Variants in SEPSECS observed in about 807,000 individuals in gnomAD.
SEPSECS encodes O-phosphoseryl-tRNA(Sec) selenium transferase.
SEPSECS carries 42 observed loss-of-function variants against 52.1 expected under a neutral mutation model. The observed-to-expected ratio is 0.81, with a 90% CI of 0.63 to 1.04. The LOEUF is 1.04. Ranked by LOEUF, SEPSECS falls within the 50% of genes least tolerant of loss-of-function variation. The pLI is 0.00. For missense variants in SEPSECS, 590 were observed against 610.6 expected (o/e 0.97, Z 0.36); for synonymous variants, 216 against 211.4 (o/e 1.02, Z -0.19).
At position 25,160,386 on chromosome 4, in the gene SEPSECS, G is replaced by C; in HGVS notation, c.-17C>G. The C allele has an allele frequency of 1.3e-6, 2 of 1,540,064 alleles. No individual in the cohort carries two copies. Among genetic ancestry groups the C allele is most frequent in the Non-Finnish European group, 1.8e-6 (2 of 1,138,478 alleles). ...GCGGTTCATGACAGCGGTGGCGACA[G>C]TGGCGAATAAGCGGGAGCACTAGCT... On this transcript the variant is annotated 5_prime_UTR_variant, in exon 1 of 11. Transcript: ENST00000382103.
At chr4:25,142,148 GTGCCTGTAA>G (rs1711594527) in intron 8 of SEPSECS, among the ~76,000 whole-genome samples, 4 of 152,098 alleles carry the variant, frequency 2.6e-5, no homozygotes, top group Admixed American at 2.6e-4. Flanking sequence ...ATGGTGATGT[GTGCCTGTAA>G]TCCCAGCTAC....
At position 25,160,005 on chromosome 4, in the gene SEPSECS, T is replaced by A. The variant is rs573090331; in HGVS notation, c.114+251A>T. 4.8e-5 allele frequency: 47 copies of A among 985,386 alleles called. No homozygotes were observed. The African/African-American group carries it at 7.7e-4, about 16-fold the overall frequency. 61.0% of individuals were successfully genotyped at this position (985,386 alleles called of 1,614,324 possible). ...TTCCCTCACTTCCGCATCCCGAAGT[T>A]AGAAACAGCGGGACTCAAAACCCCG... On this transcript the variant is annotated intron_variant, in intron 1 of 10. Coordinates refer to ENST00000382103, the MANE Select transcript of SEPSECS (RefSeq NM_016955.4).
rs1259880087 is a variant in SEPSECS, at chr4:25,160,423, A to G, written c.-54T>C. ...CGGGAGCACTAGCTCCACACGCCAG[A>G]CACACGACGGAACCAGAATGCAACT... On this transcript the variant is annotated 5_prime_UTR_variant, in exon 1 of 11. Coordinates refer to ENST00000382103, the MANE Select transcript of SEPSECS (RefSeq NM_016955.4). 1.4e-6 allele frequency: 2 copies of G among 1,433,398 alleles called. No individual in the cohort carries two copies. The highest frequency in any genetic ancestry group is 1.9e-6 in the Non-Finnish European group (2 of 1,047,180). 88.8% of individuals were successfully genotyped at this position (1,433,398 alleles called of 1,614,324 possible).
At chr4:25,156,590 C>A (rs1291194392) in intron 3 of SEPSECS, among the ~76,000 whole-genome samples, 1 of 150,880 alleles carries the variant, frequency 6.6e-6, no homozygotes, top group Non-Finnish European at 1.5e-5. Flanking sequence ...CACCTGTAGT[C>A]CCAGCTGCTC....
chr4:25,153,641 C>T (rs935594598), intron 5 of SEPSECS, among the ~76,000 whole-genome samples: 1 of 151,708 alleles, frequency 6.6e-6, no homozygotes, highest in Non-Finnish European at 1.5e-5. Context: ...AAAATGTATA[C>T]TGTATCCAAA....
chr4:25,153,097 G>C (rs2109030197), intron 5 of SEPSECS, among the ~76,000 whole-genome samples: 1 of 151,940 alleles, frequency 6.6e-6, no homozygotes, highest in South Asian at 2.1e-4. Flanking sequence ...CCAAAAACAA[G>C]TTATCAATTT....
rs530830246 is a variant in SEPSECS at position 25,159,486 on chromosome 4, G to A, written c.115-379C>T. ...AGTTGTCAAACTTCAGTGAAATTTT[G>A]GCCACGCGCTGTAGCTCACTCACGC... On this transcript the variant is annotated intron_variant, in intron 1 of 10. Transcript: ENST00000382103. The A allele has an allele frequency of 2.6e-5, 9 of 351,926 alleles. No individual in the cohort carries two copies. In the East Asian group the frequency reaches 3.9e-4, roughly 15 times the overall value. The allele number at this position is 351,926 out of a possible 1,614,324, so 21.8% of individuals were successfully genotyped here.
intron 8 of SEPSECS, among the ~76,000 whole-genome samples, chr4:25,135,754 C>A (rs556071971): frequency 6.6e-6 from 1 of 151,780 alleles, no homozygotes; most frequent in Non-Finnish European, 1.5e-5. Context: ...AAAAAAAAAA[C>A]TTCAGGCCAA....
intron 6 of SEPSECS, among the ~76,000 whole-genome samples, chr4:25,147,978 C>T (rs1217387851): frequency 1.3e-5 from 2 of 152,032 alleles, no homozygotes; most frequent in East Asian, 3.9e-4. Flanking sequence ...TCACTTAATC[C>T]CACTTATTTT....
At chr4:25,147,054 C>G (rs746691581) in intron 6 of SEPSECS, among the ~76,000 whole-genome samples, 2 of 152,232 alleles carry the variant, frequency 1.3e-5, no homozygotes, top group Non-Finnish European at 2.9e-5. Context: ...TTCAGCCATA[C>G]TGGCCTCCTT....
chr4:25,141,683 C>T (rs1331043915), intron 8 of SEPSECS, among the ~76,000 whole-genome samples: 1 of 152,182 alleles, frequency 6.6e-6, no homozygotes, highest in Non-Finnish European at 1.5e-5. Context: ...CATTCAAAGC[C>T]TGTCAGATCA....
intron 9 of SEPSECS, among the ~76,000 whole-genome samples, chr4:25,126,966 T>C (rs1728398894): frequency 6.6e-6 from 1 of 152,228 alleles, no homozygotes; most frequent in Admixed American, 6.5e-5. Context: ...TGGAGAAAGA[T>C]TTAATTATTT....
At chr4:25,157,819 A>G (rs1412002348) in intron 2 of SEPSECS, among the ~76,000 whole-genome samples, 1 of 152,124 alleles carries the variant, frequency 6.6e-6, no homozygotes, top group Non-Finnish European at 1.5e-5. Flanking sequence ...TGCTGAGATT[A>G]CCGGCGTGAG....
chr4:25,141,581 C>A (rs1711552924), intron 8 of SEPSECS, among the ~76,000 whole-genome samples: 1 of 152,184 alleles, frequency 6.6e-6, no homozygotes, highest in African/African-American at 2.4e-5. Flanking sequence ...ATCTAGCTCC[C>A]AGCCAATATC....
Position 25,151,988 on chromosome 4 carries a change from G to C in SEPSECS, c.776C>G (p.Ser259Cys). Reference sequence around the variant, plus strand: ...CTGAATGAGATGCATACACTTTGAAGACTGCACTCCATAAGCATTATTAAC... The same window carrying C: ...CTGAATGAGATGCATACACTTTGAACACTGCACTCCATAAGCATTATTAAC... ...HIVNNAYGVQSSKCMHLIQQG... is the reference protein window; with the variant it reads ...HIVNNAYGVQCSKCMHLIQQG... The change falls in exon 6 of 11, where the codon TCT becomes TGT. Residue 259 changes from serine to cysteine, a missense_variant. By Grantham distance (112) the Ser-to-Cys change is moderately radical. Transcript: ENST00000382103. 1 of 1,595,024 alleles carries C rather than the reference G, an allele frequency of 6.3e-7. No homozygotes were observed. The highest frequency in any genetic ancestry group is 1.1e-5 in the South Asian group (1 of 90,628).
At chr4:25,150,956 C>A (rs1232137585) in intron 6 of SEPSECS, among the ~76,000 whole-genome samples, 3 of 151,836 alleles carry the variant, frequency 2.0e-5, no homozygotes, top group Admixed American at 1.3e-4. Context: ...GCAGTGAACT[C>A]CAACCTGGAC....
intron 8 of SEPSECS, among the ~76,000 whole-genome samples, chr4:25,128,057 A>T (rs1474340083): frequency 2.0e-5 from 3 of 151,898 alleles, no homozygotes; most frequent in African/African-American, 7.3e-5. Flanking sequence ...TAGCTTTCCA[A>T]CTCTGCCAAT....
intron 7 of SEPSECS, 65 bp downstream of exon 7, chr4:25,144,939 A>G (rs1363788208): frequency 5.6e-6 from 9 of 1,598,472 alleles, no homozygotes; most frequent in Middle Eastern, 1.7e-4. Context: ...TTACTACAAT[A>G]GCCTATGTAC....
At chr4:25,155,975 T>C in intron 4 of SEPSECS, 62 bp downstream of exon 4, 2 of 1,453,430 alleles carry the variant, frequency 1.4e-6, no homozygotes, top group Non-Finnish European at 1.9e-6. Flanking sequence ...TCTATCTTTA[T>C]ATAAGAAATC....
Sources: allele counts gnomAD v4.1 joint callset (sites outside exome capture counted in the v4.1 genomes callset), GRCh38; gene constraint gnomAD v4.1.1; transcripts MANE v1.5; gene names NCBI Gene and HGNC (gene_info 2026-07-23, HGNC 2026-07-21).